SYT13: variants seen among roughly 807,000 people sequenced by gnomAD.
SYT13 encodes synaptotagmin 13, also known as synaptotagmin-13.
SYT13 carries 21 observed loss-of-function variants against 38.6 expected under a neutral mutation model. The ratio of observed to expected loss-of-function variants is 0.54; its 90% confidence interval spans 0.39 to 0.78. SYT13 has a LOEUF of 0.78. Ranked by LOEUF, SYT13 falls within the 30% of genes least tolerant of loss-of-function variation. SYT13 has a pLI of 0.00. For synonymous variants in SYT13, 241 were observed against 237.6 expected, an observed-to-expected ratio of 1.01 and a Z score of -0.13; for missense variants, 495 against 548.7, an observed-to-expected ratio of 0.90 and a Z score of 0.98.
At chr11:45,250,091 A>G (rs1487656821) in intron 4 of SYT13, among the ~76,000 whole-genome samples, 1 of 152,116 alleles carries the variant, frequency 6.6e-6, no homozygotes, top group Non-Finnish European at 1.5e-5. Flanking sequence ...AAATCAGCCC[A>G]CACCCTCTAG....
rs1416793920 is a variant in SYT13 at position 45,243,549 on chromosome 11, C to G, written c.*503G>C. 2 of 153,030 alleles carry G rather than the reference C, an allele frequency of 1.3e-5. No homozygotes were observed. Among genetic ancestry groups the G allele is most frequent in the Admixed American group, 6.5e-5 (1 of 15,362 alleles). The allele number at this position is 153,030 out of a possible 1,614,324, so 9.5% of individuals were successfully genotyped here. On this transcript the variant is annotated 3_prime_UTR_variant, in exon 6 of 6. Transcript: ENST00000020926. ...GGCGAGCCCAGGAATCTGCTGGTGA[C>G]TCTTCACATGCTAAAGTTTGAGAAC... is the stretch of plus-strand genomic sequence containing the variant.
Position 45,243,939 on chromosome 11 carries a change from G to A in SYT13, c.*113C>T. 6.8e-6 allele frequency: 8 copies of A among 1,169,838 alleles called. No homozygotes were observed. The highest frequency in any genetic ancestry group is 9.6e-6 in the Non-Finnish European group (8 of 832,790). 72.5% of individuals were successfully genotyped at this position (1,169,838 alleles called of 1,614,324 possible). A position where few individuals can be genotyped will look rare whatever the true frequency, so the allele number is the denominator to read the frequency against. ...ATGATGAGAGAGCCATCCCAGCCTTGCAAACACATCTGTCACTGTCTTCTG... is the reference window on the plus strand; with the variant it reads ...ATGATGAGAGAGCCATCCCAGCCTTACAAACACATCTGTCACTGTCTTCTG... On this transcript the variant is annotated 3_prime_UTR_variant, in exon 6 of 6. Transcript: ENST00000020926.
chr11:45,244,396 G>A (rs921813518), intron 5 of SYT13, 40 bp from the exon 6 acceptor site: 2 of 1,580,626 alleles, frequency 1.3e-6, no homozygotes, highest in Non-Finnish European at 1.7e-6. Context: ...AGAGAGAAGG[G>A]ACAAGAGTGA....
intron 4 of SYT13, among the ~76,000 whole-genome samples, chr11:45,247,684 G>A (rs574858679): frequency 3.4e-4 from 52 of 152,242 alleles, no homozygotes; most frequent in African/African-American, 1.0e-3. Context: ...GGTTGAAATC[G>A]GTTTTTCTTT....
intron 1 of SYT13, among the ~76,000 whole-genome samples, chr11:45,259,436 C>T (rs1854789690): frequency 6.6e-6 from 1 of 152,192 alleles, no homozygotes; most frequent in South Asian, 2.1e-4. Flanking sequence ...GAAGTTCACT[C>T]TGTGTTGCCT....
At chr11:45,247,789 C>T (rs1052930118) in intron 4 of SYT13, among the ~76,000 whole-genome samples, 1 of 152,158 alleles carries the variant, frequency 6.6e-6, no homozygotes, top group Non-Finnish European at 1.5e-5. Flanking sequence ...ATGAACTAAA[C>T]AGAATCAGTC....
chr11:45,244,426 G>T, intron 5 of SYT13, 70 bp from the exon 6 acceptor site: 1 of 1,526,782 alleles, frequency 6.5e-7, no homozygotes, highest in Non-Finnish European at 8.9e-7. Flanking sequence ...ATCTGGCAGG[G>T]CCCAGGACAA....
rs1590511037 is a variant in SYT13, at chr11:45,252,235, A to C, written c.846+186T>G. Among the ~76,000 whole-genome samples the C allele has an allele frequency of 6.6e-6, 1 of 152,210 alleles. No individual in the cohort carries two copies. Among genetic ancestry groups the C allele is most frequent in the Admixed American group, 6.5e-5 (1 of 15,284 alleles). The stretch of plus-strand genomic sequence containing the variant: ...ACTAGGAGCAGACACTAGGAATCCC[A>C]GATCCTGGGCTATGGGTCTCCTCTA... On this transcript the variant is annotated intron_variant, in intron 4 of 5. Transcript: ENST00000020926. The surrounding 1 kb of genome is among the most constrained non-coding windows in gnomAD (Gnocchi z 4.3).
chr11:45,261,604 A>C (rs1011395806), intron 1 of SYT13, among the ~76,000 whole-genome samples: 6 of 151,254 alleles, frequency 4.0e-5, no homozygotes, highest in Non-Finnish European at 7.4e-5. Context: ...CTAAAAAAAA[A>C]AAGAAAAGAA....
chr11:45,262,752 CACACACACACACACACAA>C (rs1319832441), intron 1 of SYT13, among the ~76,000 whole-genome samples: 96 of 135,608 alleles, frequency 7.1e-4, no homozygotes, highest in Non-Finnish European at 1.1e-3. Flanking sequence ...CACACACACA[CACACACACACACACACAA>C]ATTGAACTGT....
chr11:45,285,834 C>T (rs1444060658), intron 1 of SYT13, 191 bp downstream of exon 1: 1 of 620,848 alleles, frequency 1.6e-6, no homozygotes, highest in East Asian at 3.4e-5. Flanking sequence ...CTCGTCTCCC[C>T]CATCCCCTAG....
chr11:45,279,305 T>C (rs1855044995), intron 1 of SYT13, among the ~76,000 whole-genome samples: 1 of 152,252 alleles, frequency 6.6e-6, no homozygotes, highest in African/African-American at 2.4e-5. Flanking sequence ...GTTATGGCCA[T>C]GTGCAGTGGA....
At chr11:45,263,556 T>A (rs901395486) in intron 1 of SYT13, among the ~76,000 whole-genome samples, 1 of 152,130 alleles carries the variant, frequency 6.6e-6, no homozygotes, top group Non-Finnish European at 1.5e-5. Context: ...AGAAGAAGCA[T>A]CCAGTTGAGC....
chr11:45,245,733 G>A (rs780941986), intron 5 of SYT13, among the ~76,000 whole-genome samples: 2 of 152,210 alleles, frequency 1.3e-5, no homozygotes, highest in African/African-American at 2.4e-5. Flanking sequence ...AGGAAAAACT[G>A]AGGCTTCCAG....
chr11:45,277,375 T>C (rs1212775330), intron 1 of SYT13, among the ~76,000 whole-genome samples: 1 of 152,258 alleles, frequency 6.6e-6, no homozygotes, highest in Non-Finnish European at 1.5e-5. Flanking sequence ...TAATGTCATG[T>C]GAATTTCACC....
intron 4 of SYT13, among the ~76,000 whole-genome samples, chr11:45,250,470 A>G (rs376712296): frequency 6.6e-6 from 1 of 152,228 alleles, no homozygotes; most frequent in African/African-American, 2.4e-5. Flanking sequence ...TAGGTGCCTG[A>G]GACTTCTGCC....
At chr11:45,260,371 A>G (rs1295655677) in intron 1 of SYT13, among the ~76,000 whole-genome samples, 2 of 152,178 alleles carry the variant, frequency 1.3e-5, no homozygotes, top group Non-Finnish European at 2.9e-5. Context: ...TTTCAAATGC[A>G]TCTATATTTG....
In SYT13 at chr11:45,269,365, A is replaced by C. The variant is rs1565391418; in HGVS notation, c.184-13474T>G. ...CAAAACAAACAAACAAACAAACAAA[A>C]AACTCCGTGGGACTGGAAACCCCAA... On this transcript the variant is annotated intron_variant, in intron 1 of 5. Transcript: ENST00000020926. 1.5e-5 allele frequency: 14 copies of C among 944,700 alleles called. No homozygotes were observed. In the South Asian group the frequency reaches 3.0e-4, roughly 20 times the overall value. 58.5% of individuals were successfully genotyped at this position (944,700 alleles called of 1,614,324 possible).
At chr11:45,249,555 A>G (rs1854649540) in intron 4 of SYT13, among the ~76,000 whole-genome samples, 1 of 152,242 alleles carries the variant, frequency 6.6e-6, no homozygotes, top group South Asian at 2.1e-4. Context: ...ACAGCACGGA[A>G]TACTATGCAG....
Sources: allele counts gnomAD v4.1 joint callset (sites outside exome capture counted in the v4.1 genomes callset), GRCh38; gene constraint gnomAD v4.1.1; non-coding constraint Gnocchi (gnomAD v3.1); transcripts MANE v1.5; gene names NCBI Gene and HGNC (gene_info 2026-07-23, HGNC 2026-07-21).